ARB2A: variants seen among roughly 807,000 people sequenced by gnomAD.
The protein encoded by ARB2A is cotranscriptional regulator ARB2A.
chr5:93,842,348 T>A, the ARB2A span, among the ~76,000 whole-genome samples: 2 of 152,168 alleles, frequency 1.3e-5, no homozygotes, highest in Non-Finnish European at 2.9e-5. Flanking sequence ...AGCTGAGCAA[T>A]TGGGACAGAG....
chr5:93,822,078 A>G, the ARB2A span, among the ~76,000 whole-genome samples: 1 of 152,186 alleles, frequency 6.6e-6, no homozygotes, highest in East Asian at 1.9e-4. Context: ...CAGAGATAGC[A>G]GACTACAGAA....
At chr5:94,087,337 T>G in the ARB2A span, among the ~76,000 whole-genome samples, 1 of 151,824 alleles carries the variant, frequency 6.6e-6, no homozygotes, top group Non-Finnish European at 1.5e-5. Flanking sequence ...AGCCCAAGAG[T>G]TTGAATCTGC....
chr5:93,765,511 G>A, the ARB2A span, among the ~76,000 whole-genome samples: 37 of 152,234 alleles, frequency 2.4e-4, no homozygotes, highest in South Asian at 6.2e-4. Context: ...CCTCTTCAAG[G>A]AGAACTACAA....
At chr5:93,854,888 A>T in the ARB2A span, among the ~76,000 whole-genome samples, 1 of 152,116 alleles carries the variant, frequency 6.6e-6, no homozygotes, top group Non-Finnish European at 1.5e-5. Flanking sequence ...CTATGTGGTC[A>T]ATTTTGGAAT....
chr5:94,027,976 T>C, the ARB2A span, among the ~76,000 whole-genome samples: 8 of 152,288 alleles, frequency 5.3e-5, no homozygotes, highest in East Asian at 1.5e-3. Flanking sequence ...TGGTGTCCAT[T>C]TGCAAAACTG....
At chr5:93,852,623 A>G in the ARB2A span, among the ~76,000 whole-genome samples, 1 of 152,200 alleles carries the variant, frequency 6.6e-6, no homozygotes, top group East Asian at 1.9e-4. Flanking sequence ...TCTTGAATTA[A>G]TTTTTGTATT....
At chr5:94,043,761 T>A in the ARB2A span, among the ~76,000 whole-genome samples, 2 of 152,206 alleles carry the variant, frequency 1.3e-5, no homozygotes, top group African/African-American at 2.4e-5. Flanking sequence ...TATTTGAGGG[T>A]ACAAATCCAT....
At chr5:93,991,583 A>T in the ARB2A span, among the ~76,000 whole-genome samples, 1 of 152,062 alleles carries the variant, frequency 6.6e-6, no homozygotes, top group Non-Finnish European at 1.5e-5. Context: ...AAATAGATTT[A>T]AAAAAATAAA....
the ARB2A span, among the ~76,000 whole-genome samples, chr5:93,825,965 C>G: frequency 2.0e-5 from 3 of 151,686 alleles, no homozygotes; most frequent in Non-Finnish European, 4.4e-5. Context: ...AAAGCATTTT[C>G]TATACAGATT....
chr5:93,755,661 T>C, the ARB2A span, among the ~76,000 whole-genome samples: 4 of 152,154 alleles, frequency 2.6e-5, no homozygotes, highest in South Asian at 8.3e-4. Flanking sequence ...CAACCTTACC[T>C]GGAGCTGGGT....
At chr5:93,954,673 A>AAGCAC in the ARB2A span, among the ~76,000 whole-genome samples, 164 of 151,644 alleles carry the variant, frequency 1.1e-3, 1 homozygote, top group Non-Finnish European at 1.7e-3. Context: ...TACTGCCTCT[A>AAGCAC]AGCACAGCAC....
chr5:93,809,735 C>T, the ARB2A span, among the ~76,000 whole-genome samples: 12 of 151,852 alleles, frequency 7.9e-5, no homozygotes, highest in African/African-American at 2.9e-4. Flanking sequence ...CAAATGTTTC[C>T]CTTTTTCCTA....
the ARB2A span, among the ~76,000 whole-genome samples, chr5:93,902,556 A>G: frequency 6.6e-6 from 1 of 152,170 alleles, no homozygotes; most frequent in African/African-American, 2.4e-5. Context: ...GACAGCCTAC[A>G]TAGGCCATAA....
chr5:93,987,980 C>T, the ARB2A span, among the ~76,000 whole-genome samples: 1 of 152,196 alleles, frequency 6.6e-6, no homozygotes. Flanking sequence ...ATCAGCTCCA[C>T]AAATGGCACT....
At chr5:93,925,016 G>A in the ARB2A span, among the ~76,000 whole-genome samples, 1 of 151,868 alleles carries the variant, frequency 6.6e-6, no homozygotes, top group South Asian at 2.1e-4. Flanking sequence ...CCTCATTAAG[G>A]TGATCAATCT....
At chr5:93,741,275 C>T in the ARB2A span, 3 of 1,613,778 alleles carry the variant, frequency 1.9e-6, no homozygotes, top group South Asian at 2.2e-5. Context: ...AGGGCGCCTT[C>T]GGAGGGGCGT....
the ARB2A span, among the ~76,000 whole-genome samples, chr5:94,070,609 T>C: frequency 6.6e-6 from 1 of 152,136 alleles, no homozygotes; most frequent in South Asian, 2.1e-4. Context: ...CCCATAAGTA[T>C]GTACAAACAC....
the ARB2A span, among the ~76,000 whole-genome samples, chr5:93,709,692 A>G: frequency 4.6e-5 from 7 of 151,056 alleles, no homozygotes; most frequent in Non-Finnish European, 1.0e-4. Flanking sequence ...AATAAATTGC[A>G]GATTATATAT....
chr5:93,634,129 G>A, the ARB2A span, among the ~76,000 whole-genome samples: 1 of 152,034 alleles, frequency 6.6e-6, no homozygotes, highest in Non-Finnish European at 1.5e-5. Flanking sequence ...CTGGCCGGGC[G>A]CCGTGGCTCA....
Sources: gnomAD v4.1 joint callset for allele counts (sites outside exome capture counted in the v4.1 genomes callset) on GRCh38, gnomAD v4.1.1 for gene constraint, MANE v1.5 for transcripts, NCBI Gene and HGNC (gene_info 2026-07-23, HGNC 2026-07-21) for gene names.